DGKB: variants seen among roughly 807,000 people sequenced by gnomAD.
DGKB encodes 90 kDa diacylglycerol kinase.
A neutral mutation model predicts 114.3 loss-of-function variants in DGKB; 67 were observed. The ratio of observed to expected loss-of-function variants is 0.59; its 90% CI spans 0.48 to 0.72. The LOEUF (loss-of-function observed/expected upper bound fraction) is 0.72. Ranked by LOEUF, DGKB falls within the 30% of genes least tolerant of loss-of-function variation. The pLI is 0.00. For missense variants in DGKB, 907 were observed against 975.2 expected (o/e 0.93, Z 0.93); for synonymous variants, 398 against 323.1 (o/e 1.23, Z -2.49).
chr7:14,800,666 G>C (rs1008197626), intron 2 of DGKB, among the ~76,000 whole-genome samples: 1 of 152,126 alleles, frequency 6.6e-6, no homozygotes, highest in Non-Finnish European at 1.5e-5. Context: ...CTAGAGGTTT[G>C]GTTCTAGAGG....
chr7:14,922,682 T>C (rs150595751), intron 1 of DGKB, among the ~76,000 whole-genome samples: 28 of 152,254 alleles, frequency 1.8e-4, no homozygotes, highest in African/African-American at 6.5e-4. Flanking sequence ...TGAATTTTTA[T>C]CCTCTCTCTG....
intron 1 of DGKB, among the ~76,000 whole-genome samples, chr7:14,948,879 A>AAGAG (rs35489729): frequency 0.079 from 12,021 of 151,720 alleles, 1,490 homozygotes; most frequent in African/African-American, 0.27. Flanking sequence ...ACTCCTTAAA[A>AAGAG]AGAGAAAAAT....
chr7:14,339,455 T>A (rs1233209477), intron 22 of DGKB, among the ~76,000 whole-genome samples: 1 of 151,916 alleles, frequency 6.6e-6, no homozygotes, highest in African/African-American at 2.4e-5. Flanking sequence ...AAACCAAGGT[T>A]AATCAGCCCA....
At chr7:14,864,121 G>T (rs1398118053) in intron 1 of DGKB, among the ~76,000 whole-genome samples, 1 of 149,630 alleles carries the variant, frequency 6.7e-6, no homozygotes, top group Non-Finnish European at 1.5e-5. Flanking sequence ...AAAAAAAAGG[G>T]AACATTGACA....
intron 13 of DGKB, among the ~76,000 whole-genome samples, chr7:14,642,833 T>A (rs1023326231): frequency 2.0e-5 from 3 of 152,262 alleles, no homozygotes; most frequent in African/African-American, 4.8e-5. Flanking sequence ...AAATCATTCA[T>A]GAATACATAA....
intron 13 of DGKB, among the ~76,000 whole-genome samples, chr7:14,634,437 T>C (rs1189524375): frequency 6.7e-6 from 1 of 150,332 alleles, no homozygotes; most frequent in African/African-American, 2.4e-5. Flanking sequence ...AAAATATTGA[T>C]GAAGAATGAA....
chr7:14,473,293 T>C (rs1781691304), intron 21 of DGKB, among the ~76,000 whole-genome samples: 1 of 152,122 alleles, frequency 6.6e-6, no homozygotes, highest in African/African-American at 2.4e-5. Flanking sequence ...GCTCAAACCA[T>C]AGCTTCAGAG....
chr7:14,298,538 A>C (rs961768327), intron 23 of DGKB, among the ~76,000 whole-genome samples: 2 of 152,088 alleles, frequency 1.3e-5, no homozygotes, highest in African/African-American at 2.4e-5. Flanking sequence ...TTCTTTACAC[A>C]TTATACAAAA....
intron 2 of DGKB, among the ~76,000 whole-genome samples, chr7:14,814,643 C>G (rs7782994): frequency 0.4 from 61,061 of 151,998 alleles, 14,045 homozygotes; most frequent in African/African-American, 0.63. Context: ...GAATTCTGGA[C>G]TCATTTCCCA....
chr7:14,954,266 A>C (rs1587450587), intron 1 of DGKB, among the ~76,000 whole-genome samples: 1 of 152,152 alleles, frequency 6.6e-6, no homozygotes, highest in East Asian at 1.9e-4. Context: ...CATGGTGCTG[A>C]CCGTTAAGAA....
At chr7:14,693,537 T>TA (rs1360996357) in intron 9 of DGKB, among the ~76,000 whole-genome samples, 1 of 151,260 alleles carries the variant, frequency 6.6e-6, no homozygotes, top group East Asian at 2.0e-4. Context: ...AGGAAAAACT[T>TA]ACGTTTATTT....
At chr7:14,178,647 G>C (rs1029817592) in intron 23 of DGKB, among the ~76,000 whole-genome samples, 1 of 152,130 alleles carries the variant, frequency 6.6e-6, no homozygotes, top group Admixed American at 6.5e-5. Context: ...TAGAAGATGG[G>C]AGTCCCTAAA....
chr7:14,498,494 T>C (rs1785631824), intron 20 of DGKB, among the ~76,000 whole-genome samples: 1 of 151,918 alleles, frequency 6.6e-6, no homozygotes, highest in African/African-American at 2.4e-5. Flanking sequence ...ATAACCTGTC[T>C]AAATGTTAAT....
chr7:14,418,796 T>C (rs1481885486), intron 21 of DGKB, among the ~76,000 whole-genome samples: 2 of 151,984 alleles, frequency 1.3e-5, no homozygotes, highest in African/African-American at 4.8e-5. Context: ...CAATAATGGT[T>C]ATCTTGCAGA....
At chr7:14,180,158 C>T (rs374424024) in intron 23 of DGKB, among the ~76,000 whole-genome samples, 8 of 151,248 alleles carry the variant, frequency 5.3e-5, no homozygotes, top group East Asian at 2.0e-4. Context: ...GACTGGAGTT[C>T]GCATTTAGTA....
chr7:14,852,793 T>G (rs1279815446), intron 1 of DGKB, among the ~76,000 whole-genome samples: 2 of 152,126 alleles, frequency 1.3e-5, no homozygotes, highest in Non-Finnish European at 2.9e-5. Context: ...TTTCCTAGAA[T>G]GTTGATTATT....
intron 7 of DGKB, among the ~76,000 whole-genome samples, chr7:14,700,784 TTATTAAATATATCAAAACA>T (rs1825031954): frequency 6.6e-6 from 1 of 152,222 alleles, no homozygotes; most frequent in South Asian, 2.1e-4. Flanking sequence ...ATTTCAGTCA[TTATTAAATATATCAAAACA>T]TTTGTTTTTA....
In DGKB at chr7:14,511,095, TC is replaced by T. The variant is rs149174601; in HGVS notation, c.1771-32871del. ...TCAGAATGGTCAATGAGCACTGGCT[TC>T]ATCTTAAAGTCACCAACTGCATTAG... On this transcript the variant is annotated intron_variant, in intron 20 of 25. Transcript: ENST00000402815. 2.8e-3 allele frequency among the ~76,000 whole-genome samples: 422 copies of T among 152,306 alleles called. 1 individual carries two copies. Among genetic ancestry groups the T allele is most frequent in the African/African-American group, 9.7e-3 (402 of 41,566 alleles).
At chr7:14,685,444 G>T in intron 9 of DGKB, 82 bp from the exon 10 acceptor site, 1 of 1,002,162 alleles carries the variant, frequency 1.0e-6, no homozygotes, top group Non-Finnish European at 1.5e-6. Context: ...TTCAGAGCTG[G>T]ACTGAAGCAT....
Sources: gnomAD v4.1 joint callset for allele counts (sites outside exome capture counted in the v4.1 genomes callset) on GRCh38, gnomAD v4.1.1 for gene constraint, MANE v1.5 for transcripts, NCBI Gene and HGNC (gene_info 2026-07-23, HGNC 2026-07-21) for gene names.